MAPK7: variants seen among roughly 807,000 people sequenced by gnomAD.
MAPK7 encodes the protein mitogen-activated protein kinase 7, also known as BMK-1.
MAPK7 carries 30 observed loss-of-function variants against 56.9 expected under a neutral mutation model. The observed-to-expected ratio is 0.53, with a 90% CI of 0.39 to 0.72. The LOEUF is 0.72. Ranked by LOEUF, MAPK7 falls within the 30% of genes least tolerant of loss-of-function variation. MAPK7 has a pLI of 0.00. For synonymous variants in MAPK7, 516 were observed against 449.3 expected (o/e 1.15, Z -1.88); for missense variants, 952 against 1,110.8 (o/e 0.86, Z 2.03).
chr17:19,381,063 T>C lies in MAPK7; in HGVS notation c.854T>C (p.Val285Ala), dbSNP rs1463732963. 1 of 1,614,070 alleles carries C rather than the reference T, an allele frequency of 6.2e-7. No individual in the cohort carries two copies. The stretch of plus-strand genomic sequence containing the variant: ...GTGCTGGGTACCCCATCACCAGCCG[T>C]GATTCAGGCTGTGGGGGCTGAGAGG... ...MMVLGTPSPA[V>A]IQAVGAERVR... The change falls in exon 4 of 7, where the codon GTG becomes GCG. Residue 285 changes from valine to alanine, a missense_variant. Coordinates refer to ENST00000395604, the MANE Select transcript of MAPK7 (RefSeq NM_002749.4). This position sits in a 1 kb window ranked among gnomAD's most constrained non-coding sequence, Gnocchi z 4.6.
chr17:19,378,715 G>C lies in MAPK7; in HGVS notation c.-6+85G>C. 1 of 1,368,688 alleles carries C rather than the reference G, an allele frequency of 7.3e-7. No individual in the cohort carries two copies. Among genetic ancestry groups the C allele is most frequent in the Non-Finnish European group, 9.5e-7 (1 of 1,053,590 alleles). The allele number at this position is 1,368,688 out of a possible 1,614,324, so 84.8% of individuals were successfully genotyped here. ...CCTCGCCTACCCCTCCCCCGACCCT[G>C]GCGGGCCCCCGGCTCTGGGCCCGGA... On this transcript the variant is annotated intron_variant, in intron 1 of 6. Transcript: ENST00000395604. The surrounding 1 kb of genome is among the most constrained non-coding windows in gnomAD (Gnocchi z 5.4).
intron 2 of MAPK7, 24 bp from the exon 3 acceptor site, chr17:19,379,758 A>G (rs1197204608): frequency 1.9e-6 from 3 of 1,611,622 alleles, no homozygotes; most frequent in Non-Finnish European, 2.5e-6. Flanking sequence ...ATCCTCTGGT[A>G]TGTCCCTTTT....
chr17:19,378,725 C>G lies in MAPK7; in HGVS notation c.-6+95C>G. The G allele has an allele frequency of 1.5e-6, 2 of 1,363,106 alleles. No individual in the cohort carries two copies. Among genetic ancestry groups the G allele is most frequent in the South Asian group, 1.6e-5 (1 of 64,338 alleles). The allele number at this position is 1,363,106 out of a possible 1,614,324, so 84.4% of individuals were successfully genotyped here. ...CCCTCCCCCGACCCTGGCGGGCCCC[C>G]GGCTCTGGGCCCGGACCCCTGGGGT... On this transcript the variant is annotated intron_variant, in intron 1 of 6. Transcript: ENST00000395604. This position sits in a 1 kb window ranked among gnomAD's most constrained non-coding sequence, Gnocchi z 5.4.
rs187707822 is a variant in MAPK7, at chr17:19,381,723, C to T, written c.1477+37C>T. Reference sequence around the variant, plus strand: ...GCAGGTCGGGTGGGCAGAGGGGAGACTTGGACTTGGACAAGGCTTCAGGCT... The same window carrying T: ...GCAGGTCGGGTGGGCAGAGGGGAGATTTGGACTTGGACAAGGCTTCAGGCT... On this transcript the variant is annotated intron_variant, in intron 4 of 6. Transcript: ENST00000395604. This position sits in a 1 kb window ranked among gnomAD's most constrained non-coding sequence, Gnocchi z 4.6. The T allele has an allele frequency of 6.5e-7, 1 of 1,544,438 alleles. No individual in the cohort carries two copies. Among genetic ancestry groups the T allele is most frequent in the East Asian group, 2.3e-5 (1 of 44,434 alleles).
intron 3 of MAPK7, 62 bp from the exon 4 acceptor site, chr17:19,380,546 G>A: frequency 6.5e-7 from 1 of 1,532,450 alleles, no homozygotes. Flanking sequence ...TGGTGAGGAT[G>A]GGGCTTGTCC....
At position 19,381,213 on chromosome 17, in the gene MAPK7, G is replaced by A. The variant is rs1248980248; in HGVS notation, c.1004G>A (p.Arg335His). 2 of 1,614,104 alleles carry A rather than the reference G, an allele frequency of 1.2e-6. No homozygotes were observed. Among genetic ancestry groups the A allele is most frequent in the Non-Finnish European group, 1.7e-6 (2 of 1,180,038 alleles). The change falls in exon 4 of 7, where the codon CGC (arginine) becomes CAC (histidine). Residue 335 changes from arginine (R) to histidine (H), a missense_variant. This residue lies in a region of MAPK7 where 429 missense variants were observed against 533.0 expected (regional missense o/e 0.80). Coordinates refer to ENST00000395604, the MANE Select transcript of MAPK7 (RefSeq NM_002749.4). The surrounding 1 kb of genome is among the most constrained non-coding windows in gnomAD (Gnocchi z 4.6). ...GRMLRFEPSA[R>H]ISAAAALRHP... Reference sequence around the variant, plus strand: ...ATGCTGCGTTTTGAGCCCAGCGCTCGCATCTCAGCAGCTGCTGCCCTTCGC... The same window carrying A: ...ATGCTGCGTTTTGAGCCCAGCGCTCACATCTCAGCAGCTGCTGCCCTTCGC...
Position 19,383,230 on chromosome 17 carries a change from G to C in MAPK7, c.2450G>C (p.Ter817SerextTer31), listed in dbSNP as rs767773020. The C allele has an allele frequency of 6.2e-7, 1 of 1,613,730 alleles. No homozygotes were observed. Residue 817 changes from the stop codon to serine (S), a stop_lost, in exon 7 of 7, where the codon TGA (stop) becomes TCA (serine). Transcript: ENST00000395604. ...LADLPDLQDP* is the reference protein window; with the variant it reads ...LADLPDLQDPS ...GACCTGCCTGACCTCCAGGACCCCTGAGGCCCCCAGCCTGTGCCTTGCTGC... is the reference window on the plus strand; with the variant it reads ...GACCTGCCTGACCTCCAGGACCCCTCAGGCCCCCAGCCTGTGCCTTGCTGC...
chr17:19,382,722 C>A lies in MAPK7; in HGVS notation c.2164-91C>A. 3 of 1,532,438 alleles carry A rather than the reference C, an allele frequency of 2.0e-6. No homozygotes were observed. In the South Asian group the frequency reaches 3.7e-5, roughly 19 times the overall value. The allele number at this position is 1,532,438 out of a possible 1,614,324, so 94.9% of individuals were successfully genotyped here. A position where few individuals can be genotyped will look rare whatever the true frequency, so the allele number is the denominator to read the frequency against. ...ACTGCCGAGACTGGTGTTAGCACTC[C>A]CAGATATCCAGGCGGAGTAGTCAGC... On this transcript the variant is annotated intron_variant, in intron 5 of 6. Coordinates refer to ENST00000395604, the MANE Select transcript of MAPK7 (RefSeq NM_002749.4).
At chr17:19,379,737 TTCTCCAAGGTATCC>T in intron 2 of MAPK7, 31 bp from the exon 3 acceptor site, 1 of 1,590,984 alleles carries the variant, frequency 6.3e-7, no homozygotes, top group Non-Finnish European at 8.6e-7. Flanking sequence ...ACTCTGCAGT[TTCTCCAAGGTATCC>T]TCTGGTATGT....
In MAPK7 at chr17:19,378,893, C is replaced by T. The variant is rs2152289468; in HGVS notation, c.-5-3C>T. 1.9e-6 allele frequency: 3 copies of T among 1,557,766 alleles called. No individual in the cohort carries two copies. In the East Asian group the frequency reaches 7.2e-5, roughly 37 times the overall value. ...TCCTCTCCTCACCCGAGTCTCCACA[C>T]AGACACCATGGCCGAGCCTCTGAAG... On this transcript the variant is annotated splice_polypyrimidine_tract_variant and splice_region_variant and intron_variant, in intron 1 of 6. Coordinates refer to ENST00000395604, the MANE Select transcript of MAPK7 (RefSeq NM_002749.4). The surrounding 1 kb of genome is among the most constrained non-coding windows in gnomAD (Gnocchi z 5.4).
At chr17:19,379,620 T>C (rs557288613) in intron 2 of MAPK7, 162 bp from the exon 3 acceptor site, 4 of 635,554 alleles carry the variant, frequency 6.3e-6, no homozygotes, top group South Asian at 1.9e-5. Flanking sequence ...CATTTAATAA[T>C]GTAGGTAACA....
rs751903543 is a variant in MAPK7, at chr17:19,379,043, C to T, written c.143C>T (p.Thr48Ile). The T allele has an allele frequency of 6.8e-6, 11 of 1,614,036 alleles. No homozygotes were observed. In the East Asian group the frequency reaches 8.9e-5, roughly 13 times the overall value. Residue 48 changes from threonine (T) to isoleucine (I), a missense_variant, in exon 2 of 7, where the codon ACC becomes ATC. By Grantham distance (89) the Thr-to-Ile change is moderately conservative. This residue lies in a region of MAPK7 where 213 missense variants were observed against 243.2 expected (regional missense o/e 0.88). Transcript: ENST00000395604. ...ALLKARSFDV[T>I]FDVGDEYEII... ...CTTAAAGCCCGCTCCTTCGATGTGA[C>T]CTTTGACGTGGGCGACGAGTACGAG...
rs867678268 is a variant in MAPK7 at position 19,379,497 on chromosome 17, C to T, written c.233-285C>T. ...ATGGAGAGGGTGTAGGCATAAGAGG[C>T]TGAGCTACACCACTGGGCATCCGTG... On this transcript the variant is annotated intron_variant, in intron 2 of 6. Transcript: ENST00000395604. 6.3e-5 allele frequency: 35 copies of T among 555,500 alleles called. 2 individuals are homozygous for T. In the South Asian group the frequency reaches 7.1e-4, roughly 11 times the overall value. The allele number at this position is 555,500 out of a possible 1,614,324, so 34.4% of individuals were successfully genotyped here. A position where few individuals can be genotyped will look rare whatever the true frequency, so the allele number is the denominator to read the frequency against.
upstream of MAPK7, chr17:19,378,108 G>A (rs1351257443): frequency 1.0e-6 from 1 of 980,202 alleles, no homozygotes; most frequent in African/African-American, 1.8e-5. This position sits in a 1 kb window ranked among gnomAD's most constrained non-coding sequence, Gnocchi z 5.4. Context: ...CAAGGTAACA[G>A]TCCCAGACCT....
In MAPK7 at chr17:19,382,164, G is replaced by C. The variant is rs1418800673; in HGVS notation, c.1861G>C (p.Ala621Pro). 1.2e-6 allele frequency: 2 copies of C among 1,612,218 alleles called. No homozygotes were observed. Among genetic ancestry groups the C allele is most frequent in the Non-Finnish European group, 1.7e-6 (2 of 1,179,670 alleles). Residue 621 changes from alanine to proline, a missense_variant, in exon 5 of 7, where the codon GCG becomes CCG. Ala to Pro is a conservative substitution (Grantham distance 27). This residue lies in a region of MAPK7 where 234 missense variants were observed against 210.4 expected (regional missense o/e 1.11). Coordinates refer to ENST00000395604, the MANE Select transcript of MAPK7 (RefSeq NM_002749.4). ...GCCCACTGGCCCGCAACCACAATCT[G>C]CGGGCTCTACCTCTGGCCCTGTACC... Reference protein sequence around the residue: ...AQPTGPQPQSAGSTSGPVPQP... With the variant: ...AQPTGPQPQSPGSTSGPVPQP...
intron 5 of MAPK7, 119 bp from the exon 6 acceptor site, chr17:19,382,694 C>G (rs1974777850): frequency 1.4e-6 from 2 of 1,450,298 alleles, no homozygotes; most frequent in Non-Finnish European, 9.3e-7. Flanking sequence ...CCAGCACTCA[C>G]TGACTGCCGA....
At position 19,379,927 on chromosome 17, in the gene MAPK7, C is replaced by G. The variant is rs150172954; in HGVS notation, c.378C>G (p.Pro126=). The G allele has an allele frequency of 1.8e-4, 284 of 1,613,936 alleles. 1 individual carries two copies. The highest frequency in any genetic ancestry group is 8.2e-4 in the Middle Eastern group (5 of 6,084). ...AIKDILRPTV[P]YGEFKSVYVV... ...AGGACATCCTGAGGCCCACCGTGCCCTATGGCGAATTCAAATCTGTGTAAG... is the reference window on the plus strand; with the variant it reads ...AGGACATCCTGAGGCCCACCGTGCCGTATGGCGAATTCAAATCTGTGTAAG... The change falls in exon 3 of 7, where the codon CCC becomes CCG. Residue 126 remains proline (P), a synonymous_variant. Coordinates refer to ENST00000395604, the MANE Select transcript of MAPK7 (RefSeq NM_002749.4).
Position 19,378,987 on chromosome 17 carries a change from T to C in MAPK7, c.87T>C (p.Ala29=), listed in dbSNP as rs2152289631. The C allele has an allele frequency of 6.2e-7, 1 of 1,611,470 alleles. No individual in the cohort carries two copies. Among genetic ancestry groups the C allele is most frequent in the Non-Finnish European group, 8.5e-7 (1 of 1,179,000 alleles). The part of the protein sequence containing the change: ...GPVKAEPAHT[A]ASVAAKNLAL... ...TGAAGGCCGAACCCGCCCACACCGC[T>C]GCCTCTGTAGCGGCCAAGAACCTGG... is the stretch of plus-strand genomic sequence containing the variant. Residue 29 remains alanine (A), a synonymous_variant, in exon 2 of 7, where the codon GCT becomes GCC. Transcript: ENST00000395604. This position sits in a 1 kb window ranked among gnomAD's most constrained non-coding sequence, Gnocchi z 5.4.
Position 19,378,503 on chromosome 17 carries a change from A to G in MAPK7, c.-133A>G, listed in dbSNP as rs947933192. 69 of 1,079,512 alleles carry G rather than the reference A, an allele frequency of 6.4e-5. No homozygotes were observed. Among genetic ancestry groups the G allele is most frequent in the Non-Finnish European group, 7.6e-5 (67 of 887,334 alleles). 66.9% of individuals were successfully genotyped at this position (1,079,512 alleles called of 1,614,324 possible). Reference sequence around the variant, plus strand: ...CGGGGCGGAGGGGGACGGACAGGGCAGCTCAAGACGCTGAGGTGGTGGCTG... The same window carrying G: ...CGGGGCGGAGGGGGACGGACAGGGCGGCTCAAGACGCTGAGGTGGTGGCTG... On this transcript the variant is annotated 5_prime_UTR_variant, in exon 1 of 7. Transcript: ENST00000395604. This position sits in a 1 kb window ranked among gnomAD's most constrained non-coding sequence, Gnocchi z 5.4.
Sources: allele counts gnomAD v4.1 joint callset, GRCh38; gene constraint gnomAD v4.1.1; regional missense constraint gnomAD v4.1.1; non-coding constraint Gnocchi (gnomAD v3.1); transcripts MANE v1.5; gene names NCBI Gene and HGNC (gene_info 2026-07-23, HGNC 2026-07-21).